Variants in CAND2 observed in about 807,000 individuals in gnomAD.
CAND2 encodes the protein cullin associated and neddylation dissociated 2 (putative).
Under a neutral mutation model 98.9 loss-of-function variants are expected in CAND2, and 62 were observed. The ratio of observed to expected loss-of-function variants is 0.63; its 90% CI spans 0.51 to 0.77. The LOEUF is 0.77. Ranked by LOEUF, CAND2 falls within the 30% of genes least tolerant of loss-of-function variation. The pLI, the probability that CAND2 is intolerant of heterozygous loss-of-function variation, is 0.00. For missense variants in CAND2, 1,501 were observed against 1,655.2 expected (o/e 0.91, Z 1.62); for synonymous variants, 770 against 731.9 (o/e 1.05, Z -0.84).
intron 3 of CAND2, 70 bp from the exon 4 acceptor site, chr3:12,808,140 C>T: frequency 6.5e-7 from 1 of 1,530,578 alleles, no homozygotes; most frequent in Non-Finnish European, 8.8e-7. Flanking sequence ...AGAGCAGAGG[C>T]AGACTAGTGG....
chr3:12,831,860 G>A (rs768100208), intron 14 of CAND2, among the ~76,000 whole-genome samples: 1 of 152,200 alleles, frequency 6.6e-6, no homozygotes, highest in Non-Finnish European at 1.5e-5. Context: ...CACTTCCTGG[G>A]TGCTGAGCCT....
intron 1 of CAND2, 135 bp downstream of exon 1, chr3:12,796,923 G>T (rs1038194658): frequency 3.5e-5 from 26 of 742,208 alleles, no homozygotes; most frequent in Non-Finnish European, 5.1e-5. Context: ...GCATTAAGCT[G>T]CCCCCCTCCC....
chr3:12,807,992 G>C (rs1294090749), intron 3 of CAND2, among the ~76,000 whole-genome samples: 2 of 152,242 alleles, frequency 1.3e-5, no homozygotes, highest in Non-Finnish European at 2.9e-5. Context: ...TTGGGTGTGT[G>C]TAAGTCACCC....
chr3:12,816,826 A>G lies in CAND2; in HGVS notation c.1894A>G (p.Lys632Glu). 1 of 1,613,672 alleles carries G rather than the reference A, an allele frequency of 6.2e-7. No homozygotes were observed. The highest frequency in any genetic ancestry group is 8.5e-7 in the Non-Finnish European group (1 of 1,180,014). ...TGAGATCACCCGGCTGCCCGCCATC[A>G]AGGCGCTTACGCTGGTGGCCGTATC... ...RNEITRLPAIKALTLVAVSPL... is the reference protein window; with the variant it reads ...RNEITRLPAIEALTLVAVSPL... Residue 632 changes from lysine to glutamate, a missense_variant, in exon 10 of 15, where the codon AAG becomes GAG. Physicochemically the swap from Lys to Glu is moderately conservative, Grantham distance 56 (BLOSUM62 1). This residue lies in a region of CAND2 where 1,427 missense variants were observed against 1,545.3 expected (regional missense o/e 0.92). Coordinates refer to ENST00000456430, the MANE Select transcript of CAND2 (RefSeq NM_001162499.2).
intron 1 of CAND2, among the ~76,000 whole-genome samples, chr3:12,798,570 C>T (rs1344904953): frequency 7.2e-5 from 11 of 152,102 alleles, no homozygotes; most frequent in Admixed American, 5.2e-4. Context: ...TCCTGTTTTC[C>T]GGAGGCTTGG....
At position 12,813,079 on chromosome 3, in the gene CAND2, G is replaced by C. The variant is rs750429624; in HGVS notation, c.847G>C (p.Glu283Gln). 6 of 1,579,144 alleles carry C rather than the reference G, an allele frequency of 3.8e-6. No homozygotes were observed. In the Admixed American group the frequency reaches 1.1e-4, roughly 30 times the overall value. Residue 283 changes from glutamate (E) to glutamine (Q), a missense_variant, in exon 6 of 15, where the codon GAG (glutamate) becomes CAG (glutamine). This residue lies in a region of CAND2 where 1,427 missense variants were observed against 1,545.3 expected (regional missense o/e 0.92). Transcript: ENST00000456430. ...ELRESCLQAF[E>Q]AFLRKCPKEM... is the part of the protein sequence containing the mutation. Reference sequence around the variant, plus strand: ...CCGGGAGTCCTGCCTCCAGGCTTTTGAGGCCTTCTTGAGGAAGTATGTATG... The same window carrying C: ...CCGGGAGTCCTGCCTCCAGGCTTTTCAGGCCTTCTTGAGGAAGTATGTATG...
intron 7 of CAND2, 64 bp downstream of exon 7, chr3:12,813,452 C>T: frequency 3.9e-6 from 6 of 1,547,310 alleles, no homozygotes; most frequent in South Asian, 3.7e-5. Flanking sequence ...CTGGGATCCC[C>T]CAACCAAAGA....
chr3:12,816,562 G>A lies in CAND2; in HGVS notation c.1630G>A (p.Val544Met), dbSNP rs1383246085. ...FYKIAAEALV[V>M]LQELVRALWP... is the part of the protein sequence containing the mutation. ...CAAGATTGCAGCCGAGGCCCTGGTGGTGCTGCAGGAGCTGGTGCGGGCCCT... is the reference window on the plus strand; with the variant it reads ...CAAGATTGCAGCCGAGGCCCTGGTGATGCTGCAGGAGCTGGTGCGGGCCCT... Residue 544 changes from valine (V) to methionine (M), a missense_variant, in exon 10 of 15, where the codon GTG (valine) becomes ATG (methionine). Around this residue, in one of 3 missense-constraint regions of CAND2, gnomAD observed 1,427 missense variants for 1,545.3 expected, o/e 0.92. Coordinates refer to ENST00000456430, the MANE Select transcript of CAND2 (RefSeq NM_001162499.2). The A allele has an allele frequency of 1.4e-5, 22 of 1,613,982 alleles. No individual in the cohort carries two copies. The highest frequency in any genetic ancestry group is 1.7e-5 in the Admixed American group (1 of 60,034).
intron 1 of CAND2, among the ~76,000 whole-genome samples, chr3:12,798,090 A>G (rs959426782): frequency 1.7e-5 from 2 of 114,926 alleles, no homozygotes; most frequent in Non-Finnish European, 3.5e-5. Flanking sequence ...GGATAACAGA[A>G]CCCATCTCTG....
chr3:12,801,305 T>C (rs1299470065), intron 1 of CAND2, among the ~76,000 whole-genome samples: 1 of 152,250 alleles, frequency 6.6e-6, no homozygotes, highest in Non-Finnish European at 1.5e-5. Flanking sequence ...CCTAAAGTGC[T>C]GGGATTACAG....
chr3:12,833,945 C>T lies in CAND2; in HGVS notation c.3674C>T (p.Ala1225Val). The T allele has an allele frequency of 6.2e-7, 1 of 1,614,238 alleles. No homozygotes were observed. Among genetic ancestry groups the T allele is most frequent in the Non-Finnish European group, 8.5e-7 (1 of 1,180,046 alleles). ...TTTGAAAGCATCCAGAAGGATTCCG[C>T]TTCAGCCCCCAGCACAGACTCAATG... is the stretch of plus-strand genomic sequence containing the variant. Reference protein sequence around the residue: ...ALFESIQKDSASAPSTDSMEL... With the variant: ...ALFESIQKDSVSAPSTDSMEL... The change falls in exon 15 of 15, where the codon GCT becomes GTT. Residue 1225 changes from alanine (A) to valine (V), a missense_variant. Physicochemically the swap from Ala to Val is moderately conservative, Grantham distance 64. Transcript: ENST00000456430.
chr3:12,823,896 T>C (rs2061979401), intron 11 of CAND2, among the ~76,000 whole-genome samples: 1 of 152,238 alleles, frequency 6.6e-6, no homozygotes, highest in Non-Finnish European at 1.5e-5. Context: ...GACTGTCTTT[T>C]GACTCAAACA....
In CAND2 at chr3:12,817,548, A is replaced by G; in HGVS notation, c.2616A>G (p.Ser872=). ...CGGTGCTCCTGGAAGCTTTGGGGTC[A>G]CCCAGTGAGGATGTGAGGGCTGCAG... ...LKAVLLEALG[S]PSEDVRAAAS... is the part of the protein sequence containing the mutation. Residue 872 remains serine, a synonymous_variant, in exon 10 of 15, where the codon TCA becomes TCG. Coordinates refer to ENST00000456430, the MANE Select transcript of CAND2 (RefSeq NM_001162499.2). 6.2e-7 allele frequency: 1 copy of G among 1,613,886 alleles called. No individual in the cohort carries two copies. The highest frequency in any genetic ancestry group is 2.2e-5 in the East Asian group (1 of 44,862).
At chr3:12,830,327 TG>T (rs1293858797) in intron 13 of CAND2, among the ~76,000 whole-genome samples, 1 of 152,220 alleles carries the variant, frequency 6.6e-6, no homozygotes, top group Non-Finnish European at 1.5e-5. Flanking sequence ...CGCACAAAGC[TG>T]AACAGGACTT....
intron 13 of CAND2, 95 bp from the exon 14 acceptor site, chr3:12,831,370 G>C (rs952827811): frequency 1.1e-6 from 1 of 944,584 alleles, no homozygotes; most frequent in Non-Finnish European, 1.7e-6. Flanking sequence ...TTGGGCTTCA[G>C]GTTTCAGTTG....
At chr3:12,826,044 A>G (rs1364396391) in intron 12 of CAND2, among the ~76,000 whole-genome samples, 2 of 152,188 alleles carry the variant, frequency 1.3e-5, no homozygotes, top group Non-Finnish European at 2.9e-5. Flanking sequence ...CAAGGAGTTC[A>G]TCGTGGCCCC....
Position 12,817,786 on chromosome 3 carries a change from A to G in CAND2, c.2854A>G (p.Thr952Ala). ...GCGCTGCGAGGGTGCTGAGGAGGGCACCCGGGGGGTGGTGGCCGAGTGCAT... is the reference window on the plus strand; with the variant it reads ...GCGCTGCGAGGGTGCTGAGGAGGGCGCCCGGGGGGTGGTGGCCGAGTGCAT... The part of the protein sequence containing the change: ...FQRCEGAEEG[T>A]RGVVAECIGK... The change falls in exon 10 of 15, where the codon ACC becomes GCC. Residue 952 changes from threonine to alanine, a missense_variant. Thr to Ala is a moderately conservative substitution (Grantham distance 58). Transcript: ENST00000456430. 5 of 1,533,552 alleles carry G rather than the reference A, an allele frequency of 3.3e-6. No homozygotes were observed. Among genetic ancestry groups the G allele is most frequent in the Non-Finnish European group, 4.4e-6 (5 of 1,141,566 alleles). 95.0% of individuals were successfully genotyped at this position (1,533,552 alleles called of 1,614,324 possible). A position where few individuals can be genotyped will look rare whatever the true frequency, so the allele number is the denominator to read the frequency against.
In CAND2 at chr3:12,808,311, A is replaced by G. The variant is rs746482547; in HGVS notation, c.469A>G (p.Ile157Val). 7.1e-6 allele frequency: 11 copies of G among 1,551,504 alleles called. No homozygotes were observed. Among genetic ancestry groups the G allele is most frequent in the South Asian group, 2.4e-5 (2 of 84,058 alleles). ...GGCTGTGCAGCTGGAAGCCCTGGAC[A>G]TCCTCTCTGACATGCTGAGCAGGTG... Reference protein sequence around the residue: ...DVAVQLEALDILSDMLSRLGV... With the variant: ...DVAVQLEALDVLSDMLSRLGV... Residue 157 changes from isoleucine to valine, a missense_variant, in exon 4 of 15, where the codon ATC becomes GTC. Transcript: ENST00000456430.
At chr3:12,799,242 AC>A (rs1344181411) in intron 1 of CAND2, among the ~76,000 whole-genome samples, 2 of 151,480 alleles carry the variant, frequency 1.3e-5, no homozygotes, top group Non-Finnish European at 2.9e-5. Flanking sequence ...TCCTATTGAA[AC>A]CTCCCAAGGA....
Sources: allele counts gnomAD v4.1 joint callset (sites outside exome capture counted in the v4.1 genomes callset), GRCh38; gene constraint gnomAD v4.1.1; regional missense constraint gnomAD v4.1.1; transcripts MANE v1.5; gene names NCBI Gene and HGNC (gene_info 2026-07-23, HGNC 2026-07-21).